The following KHDRBS2 variants were observed in gnomAD, a reference collection of about 807,000 sequenced individuals.
KHDRBS2 encodes KH domain-containing, RNA-binding, signal transduction-associated protein 2.
KHDRBS2 carries 26 observed loss-of-function variants against 44.3 expected under a neutral mutation model. The ratio of observed to expected loss-of-function variants is 0.59; its 90% confidence interval spans 0.43 to 0.81. KHDRBS2 has a LOEUF of 0.81. Ranked by LOEUF, KHDRBS2 falls within the 40% of genes least tolerant of loss-of-function variation. KHDRBS2 has a pLI of 0.00. For synonymous variants in KHDRBS2, 194 were observed against 151.1 expected (o/e 1.28, Z -2.08); for missense variants, 476 against 433.1 (o/e 1.10, Z -0.88).
At chr6:61,720,011 G>C (rs1364758912) in intron 7 of KHDRBS2, among the ~76,000 whole-genome samples, 2 of 151,930 alleles carry the variant, frequency 1.3e-5, no homozygotes, top group South Asian at 4.2e-4. Flanking sequence ...TCCCACCTAT[G>C]AGTGAGAATA....
Position 61,732,664 on chromosome 6 carries a change from A to T in KHDRBS2, c.893+18T>A. The T allele has an allele frequency of 4.0e-6, 6 of 1,482,586 alleles. No individual in the cohort carries two copies. The highest frequency in any genetic ancestry group is 5.6e-6 in the Non-Finnish European group (6 of 1,062,098). The allele number at this position is 1,482,586 out of a possible 1,614,324, so 91.8% of individuals were successfully genotyped here. ...GAGATAATCCTGAGAAGGCTGCTTT[A>T]GATAGCAAATGCCTTACCTTTGTGT... On this transcript the variant is annotated intron_variant, in intron 7 of 8. Transcript: ENST00000281156.
the KHDRBS2 span, among the ~76,000 whole-genome samples, chr6:61,671,755 G>T: frequency 6.6e-6 from 1 of 151,564 alleles, no homozygotes; most frequent in South Asian, 2.1e-4. Context: ...ACACTGAATG[G>T]TATCTTCACT....
chr6:62,107,724 T>G (rs1437575343), intron 2 of KHDRBS2, among the ~76,000 whole-genome samples: 1 of 152,174 alleles, frequency 6.6e-6, no homozygotes, highest in African/African-American at 2.4e-5. Context: ...CAAAACAGCA[T>G]GGTACTGGTA....
intron 2 of KHDRBS2, among the ~76,000 whole-genome samples, chr6:62,079,441 T>A (rs532231428): frequency 3.3e-5 from 5 of 152,096 alleles, no homozygotes; most frequent in East Asian, 1.9e-4. Flanking sequence ...ATTAAAAAAA[T>A]TAAAATATAT....
At chr6:61,772,776 G>A (rs1269055460) in intron 6 of KHDRBS2, among the ~76,000 whole-genome samples, 1 of 151,948 alleles carries the variant, frequency 6.6e-6, no homozygotes, top group Non-Finnish European at 1.5e-5. Flanking sequence ...ATCTCCTAAA[G>A]CTATCCCTAC....
intron 6 of KHDRBS2, among the ~76,000 whole-genome samples, chr6:61,879,659 A>G (rs1799935638): frequency 6.6e-6 from 1 of 151,958 alleles, no homozygotes; most frequent in South Asian, 2.1e-4. Context: ...AAATTTAGTC[A>G]AATAGCTCAG....
At chr6:61,589,596 AC>A in the KHDRBS2 span, among the ~76,000 whole-genome samples, 1 of 152,124 alleles carries the variant, frequency 6.6e-6, no homozygotes, top group Non-Finnish European at 1.5e-5. Context: ...TATTCAGAAT[AC>A]CCCTTCTTAC....
At chr6:61,721,091 A>G (rs1442373604) in intron 7 of KHDRBS2, among the ~76,000 whole-genome samples, 3 of 151,546 alleles carry the variant, frequency 2.0e-5, no homozygotes, top group African/African-American at 7.3e-5. Flanking sequence ...ATAGTTGTGG[A>G]TATGCGGCAT....
chr6:61,848,212 C>T (rs1794693067), intron 6 of KHDRBS2, among the ~76,000 whole-genome samples: 1 of 151,660 alleles, frequency 6.6e-6, no homozygotes, highest in Middle Eastern at 3.4e-3. Flanking sequence ...GTCTTTTCAA[C>T]AAGTCTTTTA....
intron 6 of KHDRBS2, among the ~76,000 whole-genome samples, chr6:61,869,865 A>G (rs530090725): frequency 6.6e-6 from 1 of 152,144 alleles, no homozygotes; most frequent in East Asian, 1.9e-4. Flanking sequence ...CAACCTGCAG[A>G]CCAGGAGATT....
intron 1 of KHDRBS2, among the ~76,000 whole-genome samples, chr6:62,204,886 T>C (rs1212610535): frequency 6.6e-6 from 1 of 152,088 alleles, no homozygotes. Context: ...AAAAAAAATG[T>C]ATAAATGGGC....
chr6:61,612,542 A>C, the KHDRBS2 span, among the ~76,000 whole-genome samples: 1 of 152,240 alleles, frequency 6.6e-6, no homozygotes, highest in Non-Finnish European at 1.5e-5. Context: ...AGGGCAAATA[A>C]GACAATGCTT....
At chr6:62,227,982 T>G (rs1160373632) in intron 1 of KHDRBS2, among the ~76,000 whole-genome samples, 2 of 152,206 alleles carry the variant, frequency 1.3e-5, no homozygotes, top group East Asian at 1.9e-4. Flanking sequence ...CCTGAAATTT[T>G]TTGTTGTTGT....
chr6:61,943,813 A>G (rs760756926), intron 4 of KHDRBS2, among the ~76,000 whole-genome samples: 9 of 152,182 alleles, frequency 5.9e-5, no homozygotes, highest in Non-Finnish European at 1.0e-4. Flanking sequence ...ATTAAAAAGA[A>G]CCACACAAAT....
At position 62,211,134 on chromosome 6, in the gene KHDRBS2, C is replaced by A. The variant is rs533885298; in HGVS notation, c.92-33822G>T. Among the ~76,000 whole-genome samples, 100 of 152,106 alleles carry A rather than the reference C, an allele frequency of 6.6e-4. 1 individual carries two copies. Among genetic ancestry groups the A allele is most frequent in the African/African-American group, 2.4e-3 (98 of 41,482 alleles). On this transcript the variant is annotated intron_variant, in intron 1 of 8. Coordinates refer to ENST00000281156, the MANE Select transcript of KHDRBS2 (RefSeq NM_152688.4). ...CACCATAAATAAAGCATTTAAATTCCTGTAATTATAAGTTAGTCTCTACCA... is the reference window on the plus strand; with the variant it reads ...CACCATAAATAAAGCATTTAAATTCATGTAATTATAAGTTAGTCTCTACCA...
At chr6:61,768,430 T>C (rs1053715062) in intron 6 of KHDRBS2, among the ~76,000 whole-genome samples, 80 of 152,162 alleles carry the variant, frequency 5.3e-4, no homozygotes, top group African/African-American at 1.8e-3. Flanking sequence ...TATTATCCCT[T>C]TGAATATACT....
At chr6:61,762,791 A>G (rs1779466311) in intron 6 of KHDRBS2, among the ~76,000 whole-genome samples, 1 of 152,186 alleles carries the variant, frequency 6.6e-6, no homozygotes, top group Non-Finnish European at 1.5e-5. Flanking sequence ...TCCCAGAAAA[A>G]CAATCAGCAT....
the KHDRBS2 span, among the ~76,000 whole-genome samples, chr6:61,672,524 C>T: frequency 0.012 from 1,773 of 151,966 alleles, 34 homozygotes; most frequent in African/African-American, 0.041. Context: ...CCTGACTTTT[C>T]AATGATTGCC....
At chr6:61,724,811 A>T (rs887345017) in intron 7 of KHDRBS2, among the ~76,000 whole-genome samples, 4 of 152,184 alleles carry the variant, frequency 2.6e-5, no homozygotes, top group Non-Finnish European at 5.9e-5. Context: ...TTCATAAAAC[A>T]AGTTCTTAGA....
Sources: allele counts gnomAD v4.1 joint callset (sites outside exome capture counted in the v4.1 genomes callset), GRCh38; gene constraint gnomAD v4.1.1; transcripts MANE v1.5; gene names NCBI Gene and HGNC (gene_info 2026-07-23, HGNC 2026-07-21).